CST8: variants seen among roughly 807,000 people sequenced by gnomAD.
The protein encoded by CST8 is cystatin-8.
CST8 carries 20 observed loss-of-function variants against 11.8 expected under a neutral mutation model. The observed-to-expected ratio is 1.70, with a 90% CI of 1.20 to 2.47. The LOEUF (loss-of-function observed/expected upper bound fraction) is 2.47, where lower values mean the gene tolerates loss of function less well. Among genes scored for constraint, CST8 ranks in the 30% most tolerant of loss-of-function variants. The probability of loss-of-function intolerance (pLI) is 0.00; values close to 1 mark genes in which losing one functional copy is unlikely to be tolerated. For synonymous variants in CST8, 77 were observed against 63.1 expected, an observed-to-expected ratio of 1.22 and a Z score of -1.05; for missense variants, 196 against 167.2, an observed-to-expected ratio of 1.17 and a Z score of -0.95.
the CST8 span, among the ~76,000 whole-genome samples, chr20:23,505,543 A>G: frequency 2.0e-5 from 3 of 152,050 alleles, no homozygotes; most frequent in Non-Finnish European, 4.4e-5. Context: ...ATCACACCCC[A>G]GCCAAGGGCT....
At chr20:23,506,418 A>G in the CST8 span, among the ~76,000 whole-genome samples, 2 of 152,144 alleles carry the variant, frequency 1.3e-5, no homozygotes, top group Non-Finnish European at 2.9e-5. Context: ...TTTTATAGAA[A>G]AGCATGGTTT....
At chr20:23,505,139 CTTTTTT>C in the CST8 span, among the ~76,000 whole-genome samples, 3 of 82,030 alleles carry the variant, frequency 3.7e-5, no homozygotes, top group African/African-American at 1.5e-4. Context: ...AAGAAGCATT[CTTTTTT>C]TTTTTTTTTT....
At chr20:23,505,994 A>AG in the CST8 span, among the ~76,000 whole-genome samples, 1,455 of 90,840 alleles carry the variant, frequency 0.016, 19 homozygotes, top group African/African-American at 0.061. Context: ...TAAATCTCCT[A>AG]GTTTTTTTTT....
chr20:23,495,878 A>G lies in CST8; in HGVS notation c.393A>G (p.Glu131=). The change falls in exon 4 of 4, where the codon GAA becomes GAG. Residue 131 remains glutamate (E), a synonymous_variant. Transcript: ENST00000246012. ...TAGGAGCACTTCCCTGGAATGGTGA[A>G]TTCACTGTGATGGAGAAAAAGTGTG... ...FLVGALPWNG[E]FTVMEKKCED... is the part of the protein sequence containing the mutation. 6.2e-7 allele frequency: 1 copy of G among 1,611,662 alleles called. No individual in the cohort carries two copies. The highest frequency in any genetic ancestry group is 8.5e-7 in the Non-Finnish European group (1 of 1,179,404).
the CST8 span, among the ~76,000 whole-genome samples, chr20:23,504,251 C>T: frequency 0.041 from 6,222 of 152,180 alleles, 430 homozygotes; most frequent in African/African-American, 0.14. Context: ...TGCCATGTGC[C>T]GGACACCATT....
At chr20:23,504,708 C>T in the CST8 span, among the ~76,000 whole-genome samples, 3 of 152,104 alleles carry the variant, frequency 2.0e-5, no homozygotes, top group Non-Finnish European at 4.4e-5. Context: ...GCATAGAACA[C>T]ACCCAATGAC....
At chr20:23,491,502 C>T (rs1206516026) in intron 1 of CST8, 23 bp from the exon 2 acceptor site, 1 of 626,730 alleles carries the variant, frequency 1.6e-6, no homozygotes, top group African/African-American at 1.8e-5. Flanking sequence ...AAGAGTGACC[C>T]TAATGGCCTG....
intron 3 of CST8, among the ~76,000 whole-genome samples, chr20:23,494,913 G>A (rs1427818669): frequency 2.0e-5 from 3 of 152,086 alleles, no homozygotes; most frequent in African/African-American, 7.2e-5. Context: ...CATCACACAG[G>A]TAGTAAGCAC....
intron 3 of CST8, among the ~76,000 whole-genome samples, chr20:23,493,823 G>A (rs1400802418): frequency 6.6e-6 from 1 of 152,196 alleles, no homozygotes; most frequent in East Asian, 1.9e-4. Flanking sequence ...TCTCCAATGT[G>A]AGCAGGCATC....
At chr20:23,503,764 T>A in the CST8 span, among the ~76,000 whole-genome samples, 1 of 152,162 alleles carries the variant, frequency 6.6e-6, no homozygotes, top group Non-Finnish European at 1.5e-5. Context: ...GAGACAGAGA[T>A]GTCTGAGGAC....
At chr20:23,503,720 AC>A in the CST8 span, among the ~76,000 whole-genome samples, 1 of 152,224 alleles carries the variant, frequency 6.6e-6, no homozygotes, top group African/African-American at 2.4e-5. Context: ...CACCCACGGG[AC>A]TGGAGGAAAT....
the CST8 span, among the ~76,000 whole-genome samples, chr20:23,506,538 C>T: frequency 6.6e-6 from 1 of 152,136 alleles, no homozygotes; most frequent in Admixed American, 6.6e-5. Context: ...CTCCTTTTGT[C>T]TATGCATATT....
In CST8 at chr20:23,493,590, T is replaced by C. The variant is rs552805118; in HGVS notation, c.345+519T>C. 3.3e-5 allele frequency among the ~76,000 whole-genome samples: 5 copies of C among 152,282 alleles called. No individual in the cohort carries two copies. The East Asian group carries it at 9.7e-4, about 29-fold the overall frequency. The stretch of plus-strand genomic sequence containing the variant: ...TGGCCCCACCCTCCTGGGTTTACAG[T>C]TGATTTTTGCTGGGGTCAGTCCAGG... On this transcript the variant is annotated intron_variant, in intron 3 of 3. Coordinates refer to ENST00000246012, the MANE Select transcript of CST8 (RefSeq NM_005492.4).
At chr20:23,504,663 T>A in the CST8 span, among the ~76,000 whole-genome samples, 1 of 152,124 alleles carries the variant, frequency 6.6e-6, no homozygotes, top group African/African-American at 2.4e-5. Context: ...AAATATATGA[T>A]AAAAATAACA....
At chr20:23,498,044 G>T (rs1455730743), downstream of CST8, among the ~76,000 whole-genome samples, 1 of 151,864 alleles carries the variant, frequency 6.6e-6, no homozygotes, top group African/African-American at 2.4e-5. Flanking sequence ...GAGAGAGAGA[G>T]GGAAGAGGGA....
At chr20:23,502,926 C>T in the CST8 span, among the ~76,000 whole-genome samples, 1 of 151,904 alleles carries the variant, frequency 6.6e-6, no homozygotes, top group African/African-American at 2.4e-5. Flanking sequence ...GAGAATTTAC[C>T]AATCTAGGGG....
At chr20:23,506,937 T>G in the CST8 span, among the ~76,000 whole-genome samples, 2 of 152,182 alleles carry the variant, frequency 1.3e-5, no homozygotes, top group African/African-American at 4.8e-5. Flanking sequence ...TCTTGGAGCT[T>G]TCATCTATGG....
chr20:23,500,411 C>T (rs76046377), downstream of CST8, among the ~76,000 whole-genome samples: 854 of 152,240 alleles, frequency 5.6e-3, 11 homozygotes, highest in African/African-American at 0.018. Flanking sequence ...CCAGCTTAGC[C>T]GGTTTCTACC....
downstream of CST8, among the ~76,000 whole-genome samples, chr20:23,496,275 A>C (rs1988045084): frequency 6.6e-6 from 1 of 151,990 alleles, no homozygotes; most frequent in Non-Finnish European, 1.5e-5. Context: ...TATTTTCCCT[A>C]AGTGTCAGCC....
Sources: gnomAD v4.1 joint callset for allele counts (sites outside exome capture counted in the v4.1 genomes callset) on GRCh38, gnomAD v4.1.1 for gene constraint, MANE v1.5 for transcripts, NCBI Gene and HGNC (gene_info 2026-07-23, HGNC 2026-07-21) for gene names.